KCNH8: variants seen among roughly 807,000 people sequenced by gnomAD.
KCNH8 encodes potassium voltage-gated channel subfamily H member 8.
A neutral mutation model predicts 103.6 loss-of-function variants in KCNH8; 70 were observed. The observed-to-expected ratio is 0.68, with a 90% CI of 0.56 to 0.82. The LOEUF is 0.82. KCNH8 is among the 40% of genes least tolerant of loss of function. The pLI, the probability that KCNH8 is intolerant of heterozygous loss-of-function variation, is 0.00. For synonymous variants in KCNH8, 498 were observed against 489.4 expected (o/e 1.02, Z -0.23); for missense variants, 1,217 against 1,329.9 (o/e 0.92, Z 1.32).
intron 1 of KCNH8, among the ~76,000 whole-genome samples, chr3:19,184,144 C>A (rs1486475863): frequency 2.0e-5 from 3 of 152,042 alleles, no homozygotes; most frequent in Non-Finnish European, 4.4e-5. Flanking sequence ...GTGCTTGTTG[C>A]ATCATTATTT....
At chr3:19,278,268 G>A (rs958708919) in intron 2 of KCNH8, among the ~76,000 whole-genome samples, 1 of 151,968 alleles carries the variant, frequency 6.6e-6, no homozygotes, top group Non-Finnish European at 1.5e-5. Flanking sequence ...TATCTTTCTA[G>A]AAGATAATGC....
At chr3:19,503,195 C>A (rs932180247) in intron 11 of KCNH8, among the ~76,000 whole-genome samples, 14 of 151,564 alleles carry the variant, frequency 9.2e-5, no homozygotes, top group Admixed American at 2.0e-4. Flanking sequence ...CATCACTGGC[C>A]ATCAGAGAAA....
intron 3 of KCNH8, among the ~76,000 whole-genome samples, chr3:19,312,253 AC>A (rs1191100421): frequency 6.6e-6 from 1 of 151,982 alleles, no homozygotes; most frequent in African/African-American, 2.4e-5. Flanking sequence ...GAACTAAGTT[AC>A]TTTTATCTTT....
chr3:19,258,937 C>CTATATATA (rs2064384681), intron 2 of KCNH8, among the ~76,000 whole-genome samples: 1 of 80,066 alleles, frequency 1.2e-5, no homozygotes, highest in African/African-American at 5.2e-5. Flanking sequence ...CTCTCTCTCT[C>CTATATATA]TCTCTCTCTC....
intron 6 of KCNH8, among the ~76,000 whole-genome samples, chr3:19,392,376 T>C (rs190295245): frequency 6.6e-6 from 1 of 151,302 alleles, no homozygotes; most frequent in Non-Finnish European, 1.5e-5. Context: ...GTGATACTTG[T>C]TCTGCTTTTC....
chr3:19,492,426 C>G (rs2068342996), intron 11 of KCNH8, among the ~76,000 whole-genome samples: 1 of 152,148 alleles, frequency 6.6e-6, no homozygotes, highest in African/African-American at 2.4e-5. Flanking sequence ...GTTTATTGAA[C>G]AGGAAGTCCT....
At chr3:19,291,220 G>A (rs1338378095) in intron 3 of KCNH8, among the ~76,000 whole-genome samples, 17 of 152,048 alleles carry the variant, frequency 1.1e-4, no homozygotes, top group Admixed American at 1.1e-3. Flanking sequence ...ATTTTTTGAA[G>A]GGTTTTTTGT....
chr3:19,261,751 T>G (rs1046190153), intron 2 of KCNH8, among the ~76,000 whole-genome samples: 3 of 151,536 alleles, frequency 2.0e-5, no homozygotes, highest in Non-Finnish European at 1.5e-5. Flanking sequence ...TATATTTAGG[T>G]TTTTTTTATT....
chr3:19,396,714 G>A (rs1162405062), intron 7 of KCNH8, among the ~76,000 whole-genome samples: 3 of 152,012 alleles, frequency 2.0e-5, no homozygotes, highest in Non-Finnish European at 4.4e-5. Flanking sequence ...GGTCTGAATT[G>A]TATGTGGATT....
At chr3:19,421,944 T>A (rs905175640) in intron 7 of KCNH8, among the ~76,000 whole-genome samples, 1 of 152,134 alleles carries the variant, frequency 6.6e-6, no homozygotes, top group African/African-American at 2.4e-5. Flanking sequence ...CATATTCAAC[T>A]GTATTTGCCT....
At chr3:19,409,787 A>ACAT (rs1177096755) in intron 7 of KCNH8, among the ~76,000 whole-genome samples, 4 of 152,244 alleles carry the variant, frequency 2.6e-5, no homozygotes, top group African/African-American at 9.6e-5. Flanking sequence ...ACAACATTAC[A>ACAT]TAATGATAAA....
intron 5 of KCNH8, among the ~76,000 whole-genome samples, chr3:19,356,317 C>G (rs2065881706): frequency 6.6e-6 from 1 of 151,862 alleles, no homozygotes; most frequent in South Asian, 2.1e-4. Context: ...ATTTTTACCT[C>G]AGAACTCATT....
At chr3:19,308,652 C>G (rs185611298) in intron 3 of KCNH8, among the ~76,000 whole-genome samples, 51 of 1,490 alleles carry the variant, frequency 0.034, no homozygotes, top group East Asian at 0.27. Context: ...ATGTTGGGGT[C>G]TCTCTCTCTC....
At chr3:19,413,036 A>G (rs966008101) in intron 7 of KCNH8, among the ~76,000 whole-genome samples, 1 of 152,056 alleles carries the variant, frequency 6.6e-6, no homozygotes, top group Non-Finnish European at 1.5e-5. Context: ...AAGAAAACAA[A>G]TCATTTCTAT....
chr3:19,353,854 A>G (rs1015076486), intron 5 of KCNH8, among the ~76,000 whole-genome samples: 7 of 152,280 alleles, frequency 4.6e-5, no homozygotes, highest in Admixed American at 3.9e-4. Flanking sequence ...CACCACTCCT[A>G]TTCAACATAG....
chr3:19,392,774 TATAAG>T (rs2066457912), intron 6 of KCNH8, among the ~76,000 whole-genome samples: 1 of 152,098 alleles, frequency 6.6e-6, no homozygotes, highest in East Asian at 1.9e-4. Context: ...AGAAGGCACT[TATAAG>T]AGATACAATT....
intron 1 of KCNH8, among the ~76,000 whole-genome samples, chr3:19,207,330 A>G (rs111394868): frequency 0.043 from 6,532 of 152,048 alleles, 455 homozygotes; most frequent in African/African-American, 0.15. Flanking sequence ...ATACAATACT[A>G]TATGAAGACT....
rs187812275 is a variant in KCNH8, at chr3:19,424,011, A to G, written c.1178-14153A>G. 2.6e-5 allele frequency among the ~76,000 whole-genome samples: 4 copies of G among 152,262 alleles called. No individual in the cohort carries two copies. In the East Asian group the frequency reaches 5.8e-4, roughly 22 times the overall value. On this transcript the variant is annotated intron_variant, in intron 7 of 15. Coordinates refer to ENST00000328405, the MANE Select transcript of KCNH8 (RefSeq NM_144633.3). ...AAGGTGGTATCTCATTATAAAATCA[A>G]TATTAGGAAAATGACCATATTGCCA...
At chr3:19,187,690 T>C (rs2063515781) in intron 1 of KCNH8, among the ~76,000 whole-genome samples, 1 of 152,156 alleles carries the variant, frequency 6.6e-6, no homozygotes, top group African/African-American at 2.4e-5. Flanking sequence ...ACCTGGGTGT[T>C]AACAAATGCA....
Sources: gnomAD v4.1 joint callset for allele counts (sites outside exome capture counted in the v4.1 genomes callset) on GRCh38, gnomAD v4.1.1 for gene constraint, MANE v1.5 for transcripts, NCBI Gene and HGNC (gene_info 2026-07-23, HGNC 2026-07-21) for gene names.